EML6: variants seen among roughly 807,000 people sequenced by gnomAD.
EML6 encodes the protein echinoderm microtubule-associated protein-like 6.
A neutral mutation model predicts 240.1 loss-of-function variants in EML6; 154 were observed. That is an observed-to-expected ratio of 0.64 (90% CI 0.56 to 0.73). EML6 has a LOEUF of 0.73. Ranked by LOEUF, EML6 falls within the 30% of genes least tolerant of loss-of-function variation. The probability of loss-of-function intolerance (pLI) is 0.00; values close to 1 mark genes in which losing one functional copy is unlikely to be tolerated. For synonymous variants in EML6, 1,148 were observed against 899.0 expected (o/e 1.28, Z -4.95); for missense variants, 2,964 against 2,474.6 (o/e 1.20, Z -4.20).
chr2:54,905,257 T>C (rs994208767), intron 24 of EML6, among the ~76,000 whole-genome samples: 11 of 151,450 alleles, frequency 7.3e-5, no homozygotes, highest in African/African-American at 2.7e-4. Flanking sequence ...GATTTCTCCC[T>C]ATTTATTATC....
chr2:54,919,998 G>C (rs1357391249), intron 26 of EML6, among the ~76,000 whole-genome samples: 1 of 152,172 alleles, frequency 6.6e-6, no homozygotes, highest in Non-Finnish European at 1.5e-5. Context: ...CATAAGACGA[G>C]AGAATAATAT....
chr2:54,955,667 C>T (rs879679295), intron 32 of EML6, among the ~76,000 whole-genome samples: 1 of 152,178 alleles, frequency 6.6e-6, no homozygotes, highest in Non-Finnish European at 1.5e-5. Flanking sequence ...CTGCTTTGGC[C>T]TGCCCTAGCA....
chr2:54,724,546 TAG>T lies in EML6; in HGVS notation c.-513-1_-513del, dbSNP rs1316101738. On this transcript the variant is annotated splice_acceptor_variant, in intron 1 of 41. Coordinates refer to ENST00000356458, the MANE Select transcript of EML6 (RefSeq NM_001039753.4). LOFTEE classifies it low-confidence loss of function (5UTR_SPLICE). This position sits in a 1 kb window ranked among gnomAD's most constrained non-coding sequence, Gnocchi z 5.2. ...CTTCCTCGCTCTCGCTTCCTGGATATAGACTGTCAATTTCGGATCCAAAGACG... is the reference window on the plus strand; with the variant it reads ...CTTCCTCGCTCTCGCTTCCTGGATATACTGTCAATTTCGGATCCAAAGACG... The T allele has an allele frequency of 6.6e-6, 1 of 152,118 alleles. No homozygotes were observed. Among genetic ancestry groups the T allele is most frequent in the East Asian group, 1.9e-4 (1 of 5,168 alleles). 9.4% of individuals were successfully genotyped at this position (152,118 alleles called of 1,614,324 possible). A position where few individuals can be genotyped will look rare whatever the true frequency, so the allele number is the denominator to read the frequency against.
chr2:54,916,693 A>G (rs1673931008), intron 25 of EML6, 66 bp from the exon 26 acceptor site: 1 of 1,312,504 alleles, frequency 7.6e-7, no homozygotes, highest in Admixed American at 2.6e-5. Context: ...TCAGGTGCAA[A>G]CTGTTTCTTT....
intron 4 of EML6, among the ~76,000 whole-genome samples, chr2:54,818,690 G>A (rs145448877): frequency 6.6e-6 from 1 of 152,320 alleles, no homozygotes; most frequent in African/African-American, 2.4e-5. Flanking sequence ...CTGTGCATGT[G>A]CTATTGCTGT....
At position 54,816,730 on chromosome 2, in the gene EML6, C is replaced by T. The variant is rs760117560; in HGVS notation, c.358-57C>T. ...ATAGTAAATAGTAACTATTTCTTAA[C>T]GTGTCAGTAAGTCTTCCCATCACTT... On this transcript the variant is annotated intron_variant, in intron 3 of 41. Transcript: ENST00000356458. The T allele has an allele frequency of 6.7e-5, 84 of 1,251,896 alleles. No homozygotes were observed. The Middle Eastern group carries it at 1.1e-3, about 16-fold the overall frequency. 77.5% of individuals were successfully genotyped at this position (1,251,896 alleles called of 1,614,324 possible). A position where few individuals can be genotyped will look rare whatever the true frequency, so the allele number is the denominator to read the frequency against.
At chr2:54,904,815 A>G (rs553497098) in intron 24 of EML6, among the ~76,000 whole-genome samples, 33 of 152,254 alleles carry the variant, frequency 2.2e-4, no homozygotes, top group African/African-American at 7.7e-4. Flanking sequence ...AATCAGGAGA[A>G]CGATGATGAA....
chr2:54,841,331 G>A (rs1206104072), intron 7 of EML6, among the ~76,000 whole-genome samples: 1 of 152,242 alleles, frequency 6.6e-6, no homozygotes, highest in East Asian at 1.9e-4. Context: ...ACATCGGCCT[G>A]TGTGCTTTTT....
At chr2:54,919,095 A>C in intron 26 of EML6, among the ~76,000 whole-genome samples, 1 of 152,150 alleles carries the variant, frequency 6.6e-6, no homozygotes, top group East Asian at 1.9e-4. Context: ...GTCACGTTTG[A>C]AGGCACCTAT....
chr2:54,892,313 A>T, intron 18 of EML6, 141 bp from the exon 19 acceptor site: 2 of 627,492 alleles, frequency 3.2e-6, no homozygotes, highest in Non-Finnish European at 5.7e-6. Flanking sequence ...ATTTTTGTTC[A>T]TGATGTTCTC....
chr2:54,766,343 A>G (rs1255135907), intron 2 of EML6, among the ~76,000 whole-genome samples: 1 of 152,218 alleles, frequency 6.6e-6, no homozygotes, highest in Admixed American at 6.5e-5. Flanking sequence ...TCTTTGATCT[A>G]GAACATTTCC....
In EML6 at chr2:54,802,662, A is replaced by ACTACTG. The variant is rs921655681; in HGVS notation, c.198-10564_198-10559dup. 1.7e-3 allele frequency among the ~76,000 whole-genome samples: 242 copies of ACTACTG among 145,680 alleles called. 1 individual carries two copies. The highest frequency in any genetic ancestry group is 2.8e-3 in the Non-Finnish European group (190 of 66,818). On this transcript the variant is annotated intron_variant, in intron 2 of 41. Transcript: ENST00000356458. ...TACTACTACTACTACTACTACTACT[A>ACTACTG]CTACTGCTACTACTACTACTACCAA...
intron 26 of EML6, among the ~76,000 whole-genome samples, chr2:54,926,098 C>T (rs1314081782): frequency 6.6e-6 from 1 of 152,132 alleles, no homozygotes; most frequent in Non-Finnish European, 1.5e-5. Flanking sequence ...ACTCTGGAGA[C>T]ATATTCCAGA....
At chr2:54,829,089 A>T (rs1328870497) in intron 6 of EML6, among the ~76,000 whole-genome samples, 1 of 152,206 alleles carries the variant, frequency 6.6e-6, no homozygotes, top group Non-Finnish European at 1.5e-5. Context: ...GAATTTTTTT[A>T]AACTGTAATC....
At chr2:54,824,243 C>G (rs543901902) in intron 5 of EML6, among the ~76,000 whole-genome samples, 1 of 152,252 alleles carries the variant, frequency 6.6e-6, no homozygotes, top group African/African-American at 2.4e-5. Context: ...AATTCTGAAA[C>G]TTTATTTGAA....
At chr2:54,903,575 G>T in intron 24 of EML6, 73 bp downstream of exon 24, 1 of 1,244,426 alleles carries the variant, frequency 8.0e-7, no homozygotes, top group African/African-American at 1.5e-5. Context: ...TGTTTCTAGA[G>T]AGAATGGCAG....
intron 14 of EML6, 173 bp downstream of exon 14, chr2:54,867,057 T>C (rs1671009695): frequency 2.1e-6 from 1 of 472,826 alleles, no homozygotes; most frequent in Non-Finnish European, 3.9e-6. Context: ...TGTGACTCTC[T>C]ATCCACTTCC....
At chr2:54,769,141 T>G (rs537849673) in intron 2 of EML6, among the ~76,000 whole-genome samples, 1 of 152,332 alleles carries the variant, frequency 6.6e-6, no homozygotes, top group East Asian at 1.9e-4. Flanking sequence ...TAAAATAAAC[T>G]GGCAAAGATT....
chr2:54,960,674 T>C (rs1210343804), intron 35 of EML6, among the ~76,000 whole-genome samples: 2 of 152,140 alleles, frequency 1.3e-5, no homozygotes, highest in Non-Finnish European at 2.9e-5. Context: ...ATAGATGATA[T>C]CCTCATAAGC....
Sources: allele counts gnomAD v4.1 joint callset (sites outside exome capture counted in the v4.1 genomes callset), GRCh38; gene constraint gnomAD v4.1.1; non-coding constraint Gnocchi (gnomAD v3.1); transcripts MANE v1.5; gene names NCBI Gene and HGNC (gene_info 2026-07-23, HGNC 2026-07-21).